Variants in PLEKHG5 observed in about 807,000 individuals in gnomAD.
PLEKHG5 encodes the protein pleckstrin homology and RhoGEF domain containing G5, also known as pleckstrin homology domain-containing family G member 5.
PLEKHG5 carries 52 observed loss-of-function variants against 103.8 expected under a neutral mutation model. The ratio of observed to expected loss-of-function variants is 0.50; its 90% CI spans 0.40 to 0.63. The LOEUF is 0.63. PLEKHG5 is among the 30% of genes least tolerant of loss of function. The pLI is 0.00. For synonymous variants in PLEKHG5, 592 were observed against 575.5 expected, an observed-to-expected ratio of 1.03 and a Z score of -0.41; for missense variants, 1,205 against 1,347.6, an observed-to-expected ratio of 0.89 and a Z score of 1.66.
Position 6,474,607 on chromosome 1 carries a change from C to T in PLEKHG5, c.303-20G>A, listed in dbSNP as rs779788394. Reference sequence around the variant, plus strand: ...ACCTCCCTGCCCCCAGGACAGGAGGCATGTGTGTTAGAACCAGGCGGCCAG... The same window carrying T: ...ACCTCCCTGCCCCCAGGACAGGAGGTATGTGTGTTAGAACCAGGCGGCCAG... On this transcript the variant is annotated intron_variant, in intron 5 of 20. Transcript: ENST00000377728. The T allele has an allele frequency of 1.2e-6, 2 of 1,612,734 alleles. No homozygotes were observed. The highest frequency in any genetic ancestry group is 1.1e-5 in the South Asian group (1 of 91,038).
chr1:6,474,933 C>T, intron 5 of PLEKHG5, 114 bp downstream of exon 5: 1 of 807,872 alleles, frequency 1.2e-6, no homozygotes, highest in Non-Finnish European at 2.2e-6. Context: ...GATGCGCTCG[C>T]TCACGGGCCA....
chr1:6,501,683 G>C (rs1158557919), upstream of PLEKHG5, among the ~76,000 whole-genome samples: 1 of 152,190 alleles, frequency 6.6e-6, no homozygotes, highest in African/African-American at 2.4e-5. This position sits in a 1 kb window ranked among gnomAD's most constrained non-coding sequence, Gnocchi z 4.3. Context: ...CACAAGTAAT[G>C]AGAGTAACGA....
chr1:6,497,395 C>T, upstream of PLEKHG5: 1 of 1,038,132 alleles, frequency 9.6e-7, no homozygotes, highest in Non-Finnish European at 1.2e-6. The surrounding 1 kb of genome is among the most constrained non-coding windows in gnomAD (Gnocchi z 6.1). Context: ...ACTGGGAGGC[C>T]GCAGAGCCGC....
At chr1:6,476,385 G>A (rs900440787) in intron 2 of PLEKHG5, among the ~76,000 whole-genome samples, 2 of 152,136 alleles carry the variant, frequency 1.3e-5, no homozygotes, top group African/African-American at 4.8e-5. Flanking sequence ...TAATGACAGG[G>A]TTTCAACATG....
rs1475922783 is a variant in PLEKHG5 at position 6,470,749 on chromosome 1, C to T, written c.1528G>A (p.Ala510Thr). Residue 510 changes from alanine to threonine, a missense_variant, in exon 14 of 21, where the codon GCC becomes ACC. Physicochemically the swap from Ala to Thr is moderately conservative, Grantham distance 58. Transcript: ENST00000377728. The part of the protein sequence containing the change: ...RKTEEPRAKE[A>T]VVAMIGSVER... ...ATCAGGGTTACCATGGCGACGACGG[C>T]CTCCTTGGCGCGCGGCTCCTCGGTC... 3.8e-6 allele frequency: 6 copies of T among 1,560,922 alleles called. No homozygotes were observed. Among genetic ancestry groups the T allele is most frequent in the Non-Finnish European group, 5.2e-6 (6 of 1,154,564 alleles).
intron 1 of PLEKHG5, among the ~76,000 whole-genome samples, chr1:6,488,049 A>G (rs1420031204): frequency 6.6e-6 from 1 of 152,178 alleles, no homozygotes; most frequent in Non-Finnish European, 1.5e-5. Context: ...TCCTCCTAGT[A>G]TCCATGACCT....
chr1:6,481,110 C>T (rs6697224), intron 1 of PLEKHG5, among the ~76,000 whole-genome samples: 27,656 of 152,112 alleles, frequency 0.18, 2,715 homozygotes, highest in East Asian at 0.28. Flanking sequence ...GGCCTCAAAA[C>T]TGGCCTCACT....
intron 20 of PLEKHG5, 116 bp from the exon 21 acceptor site, chr1:6,467,688 C>T: frequency 1.4e-6 from 2 of 1,444,148 alleles, no homozygotes; most frequent in Non-Finnish European, 1.9e-6. Flanking sequence ...CCCACCACAG[C>T]CCCCTGCGCC....
At chr1:6,484,249 G>A (rs1174007497) in intron 1 of PLEKHG5, among the ~76,000 whole-genome samples, 1 of 152,098 alleles carries the variant, frequency 6.6e-6, no homozygotes, top group Non-Finnish European at 1.5e-5. Context: ...TGAAAGCCTC[G>A]AGATCAGTTT....
chr1:6,504,839 G>A (rs1458719173), intron 1 of PLEKHG5, among the ~76,000 whole-genome samples: 1 of 152,142 alleles, frequency 6.6e-6, no homozygotes. Flanking sequence ...AAAGTGCTGG[G>A]ATTACAGGCA....
chr1:6,494,834 G>A (rs1308595769), upstream of PLEKHG5, among the ~76,000 whole-genome samples: 3 of 152,194 alleles, frequency 2.0e-5, no homozygotes, highest in Non-Finnish European at 4.4e-5. Flanking sequence ...GTAGTGACAG[G>A]GCCCAGACTC....
chr1:6,468,372 G>A lies in PLEKHG5; in HGVS notation c.2464C>T (p.Leu822Phe). 6.2e-7 allele frequency: 1 copy of A among 1,609,456 alleles called. No individual in the cohort carries two copies. Among genetic ancestry groups the A allele is most frequent in the Non-Finnish European group, 8.5e-7 (1 of 1,178,292 alleles). ...SCSMDSAYGT[L>F]SPTSLQDFVA... is the part of the protein sequence containing the mutation. Reference sequence around the variant, plus strand: ...AAGTCTTGTAAGGAGGTTGGGGAGAGGGTGCCGTAGGCAGAGTCCATGGAG... The same window carrying A: ...AAGTCTTGTAAGGAGGTTGGGGAGAAGGTGCCGTAGGCAGAGTCCATGGAG... The change falls in exon 20 of 21, where the codon CTC (leucine) becomes TTC (phenylalanine). Residue 822 changes from leucine to phenylalanine, a missense_variant. By Grantham distance (22) the Leu-to-Phe change is conservative (BLOSUM62 0). Coordinates refer to ENST00000377728, the MANE Select transcript of PLEKHG5 (RefSeq NM_020631.6).
rs1422231495 is a variant in PLEKHG5, at chr1:6,467,931, G to A, written c.2905C>T (p.Gln969Ter). 1 of 1,588,694 alleles carries A rather than the reference G, an allele frequency of 6.3e-7. No homozygotes were observed. The highest frequency in any genetic ancestry group is 8.6e-7 in the Non-Finnish European group (1 of 1,168,776). The change falls in exon 20 of 21, where the codon CAG becomes TAG. Residue 969 changes from glutamine to a stop codon, truncating the protein, a stop_gained. Coordinates refer to ENST00000377728, the MANE Select transcript of PLEKHG5 (RefSeq NM_020631.6). LOFTEE classifies it high-confidence loss of function. ...GAGACCCCTGGTGGGGGCTCAGGCT[G>A]GACCCTGGGAGAGGCCCCCGAGGGC... ...DLPSGASPRV[Q>*]PEPPPGVSAQ... is the part of the protein sequence containing the mutation.
Position 6,469,335 on chromosome 1 carries a change from C to T in PLEKHG5, c.2049G>A (p.Gln683=). 6.2e-7 allele frequency: 1 copy of T among 1,613,822 alleles called. No homozygotes were observed. The highest frequency in any genetic ancestry group is 8.5e-7 in the Non-Finnish European group (1 of 1,179,734). Residue 683 remains glutamine (Q), a splice_region_variant and synonymous_variant, in exon 18 of 21, where the codon CAG becomes CAA. Coordinates refer to ENST00000377728, the MANE Select transcript of PLEKHG5 (RefSeq NM_020631.6). Reference sequence around the variant, plus strand: ...CACCCACTCACTACTCTGCACTCACCTGGGCATTGTAAATGGTGTCCACCC... The same window carrying T: ...CACCCACTCACTACTCTGCACTCACTTGGGCATTGTAAATGGTGTCCACCC... ...RGWVDTIYNA[Q]NQLQQLRAQE... is the part of the protein sequence containing the mutation.
At chr1:6,468,842 C>G (rs566998006) in intron 19 of PLEKHG5, among the ~76,000 whole-genome samples, 200 bp downstream of exon 19, 1 of 152,324 alleles carries the variant, frequency 6.6e-6, no homozygotes, top group East Asian at 1.9e-4. Context: ...CAGGCAGCTA[C>G]CACGAATGGA....
chr1:6,469,823 A>ATG, intron 16 of PLEKHG5, 147 bp from the exon 17 acceptor site: 1 of 718,034 alleles, frequency 1.4e-6, no homozygotes, highest in Non-Finnish European at 2.4e-6. Context: ...GAAGAGGAAG[A>ATG]TGATTCTCTT....
In PLEKHG5 at chr1:6,487,769, A is replaced by G. The variant is rs1316229661; in HGVS notation, c.-88+3868T>C. Among the ~76,000 whole-genome samples the G allele has an allele frequency of 6.6e-6, 1 of 152,034 alleles. No individual in the cohort carries two copies. Among genetic ancestry groups the G allele is most frequent in the Non-Finnish European group, 1.5e-5 (1 of 67,988 alleles). Reference sequence around the variant, plus strand: ...CTACCTGTAATTCATTTCTTTGTTCACTTTTTTATCATCATTCTTCCCTAC... The same window carrying G: ...CTACCTGTAATTCATTTCTTTGTTCGCTTTTTTATCATCATTCTTCCCTAC... On this transcript the variant is annotated intron_variant, in intron 1 of 20. Transcript: ENST00000377728. This position sits in a 1 kb window ranked among gnomAD's most constrained non-coding sequence, Gnocchi z 4.1.
chr1:6,494,422 C>T (rs1445924595), upstream of PLEKHG5, among the ~76,000 whole-genome samples: 1 of 151,904 alleles, frequency 6.6e-6, no homozygotes. Flanking sequence ...TGAGCCACCA[C>T]GCCAGGCCTT....
chr1:6,511,933 A>G (rs1161355755), intron 1 of PLEKHG5, among the ~76,000 whole-genome samples: 2 of 152,228 alleles, frequency 1.3e-5, no homozygotes, highest in Non-Finnish European at 2.9e-5. Flanking sequence ...CCCTGTGCTC[A>G]GGAACAGACT....
Sources: gnomAD v4.1 joint callset for allele counts (sites outside exome capture counted in the v4.1 genomes callset) on GRCh38, gnomAD v4.1.1 for gene constraint, Gnocchi (gnomAD v3.1) non-coding constraint, MANE v1.5 for transcripts, NCBI Gene and HGNC (gene_info 2026-07-23, HGNC 2026-07-21) for gene names.